SLC71A1: variants seen among roughly 807,000 people sequenced by gnomAD.
The protein encoded by SLC71A1 is hippocampus abundant gene transcript 1.
At chr1:100,048,633 T>A in the SLC71A1 span, among the ~76,000 whole-genome samples, 3 of 152,228 alleles carry the variant, frequency 2.0e-5, no homozygotes, top group African/African-American at 7.2e-5. Flanking sequence ...TATCTTCCTC[T>A]TTTCTTTATC....
chr1:100,077,687 G>A, the SLC71A1 span, among the ~76,000 whole-genome samples: 1 of 152,178 alleles, frequency 6.6e-6, no homozygotes, highest in Non-Finnish European at 1.5e-5. Context: ...AACCAGAAGT[G>A]AAAACAATCC....
chr1:100,056,164 C>T, the SLC71A1 span, among the ~76,000 whole-genome samples: 1 of 152,302 alleles, frequency 6.6e-6, no homozygotes, highest in South Asian at 2.1e-4. Flanking sequence ...ACCATCCTCT[C>T]TCCCACTACC....
the SLC71A1 span, chr1:100,080,719 G>C: frequency 6.9e-7 from 1 of 1,447,588 alleles, no homozygotes; most frequent in Non-Finnish European, 9.4e-7. Context: ...AAAGGCTACT[G>C]GTTTTTGGTC....
the SLC71A1 span, among the ~76,000 whole-genome samples, chr1:100,038,586 T>G: frequency 6.6e-6 from 1 of 152,158 alleles, no homozygotes; most frequent in South Asian, 2.1e-4. Context: ...CCCTGCGGCC[T>G]CGAACCCCAC....
chr1:100,061,866 G>A, the SLC71A1 span: 1 of 1,612,968 alleles, frequency 6.2e-7, no homozygotes, highest in South Asian at 1.1e-5. Flanking sequence ...TGTTTCTGGG[G>A]TTTTTGCAGT....
the SLC71A1 span, chr1:100,080,613 G>A: frequency 6.2e-7 from 1 of 1,613,994 alleles, no homozygotes; most frequent in Non-Finnish European, 8.5e-7. Flanking sequence ...CCAATAACAG[G>A]AACAGACTTG....
chr1:100,045,758 G>A, the SLC71A1 span, among the ~76,000 whole-genome samples: 3 of 150,408 alleles, frequency 2.0e-5, no homozygotes, highest in Admixed American at 1.3e-4. Flanking sequence ...TCGCCCAGGC[G>A]ACATACATAG....
chr1:100,080,597 G>A, the SLC71A1 span: 1 of 1,614,044 alleles, frequency 6.2e-7, no homozygotes, highest in Admixed American at 1.7e-5. Context: ...GGAACTTAAA[G>A]AACTGCCAAT....
chr1:100,066,519 A>G, the SLC71A1 span, among the ~76,000 whole-genome samples: 1 of 152,038 alleles, frequency 6.6e-6, no homozygotes, highest in Non-Finnish European at 1.5e-5. Context: ...TTTTTCTTTA[A>G]GCTCATCAGC....
At chr1:100,081,722 A>G in the SLC71A1 span, among the ~76,000 whole-genome samples, 5 of 152,192 alleles carry the variant, frequency 3.3e-5, no homozygotes, top group African/African-American at 1.2e-4. Context: ...CCCTTGGACT[A>G]ACAAATTAAT....
chr1:100,059,144 G>GTTTTT, the SLC71A1 span, among the ~76,000 whole-genome samples: 38 of 75,422 alleles, frequency 5.0e-4, 2 homozygotes, highest in African/African-American at 1.0e-3. Context: ...TCTTTTTCGT[G>GTTTTT]TTTTTTTTTT....
the SLC71A1 span, among the ~76,000 whole-genome samples, chr1:100,076,967 C>T: frequency 2.0e-5 from 3 of 152,190 alleles, no homozygotes; most frequent in African/African-American, 4.8e-5. Flanking sequence ...TTCTAACTCT[C>T]AGTCTGGATC....
chr1:100,057,978 C>T, the SLC71A1 span: 1 of 152,128 alleles, frequency 6.6e-6, no homozygotes, highest in Admixed American at 6.6e-5. Flanking sequence ...TGGGATTAAA[C>T]AGGAGTACAT....
the SLC71A1 span, among the ~76,000 whole-genome samples, chr1:100,049,530 T>C: frequency 6.6e-6 from 1 of 152,164 alleles, no homozygotes. Context: ...CTGAACTCGA[T>C]ATATGAGACC....
At chr1:100,064,333 T>C in the SLC71A1 span, among the ~76,000 whole-genome samples, 3 of 152,276 alleles carry the variant, frequency 2.0e-5, no homozygotes, top group South Asian at 2.1e-4. Flanking sequence ...GGTTTCACCA[T>C]ATTGGCCAGT....
chr1:100,043,131 TC>T, the SLC71A1 span: 1 of 984,438 alleles, frequency 1.0e-6, no homozygotes, highest in Non-Finnish European at 1.2e-6. Flanking sequence ...ACCAACATAA[TC>T]AGACCGTCTG....
chr1:100,052,888 A>G, the SLC71A1 span, among the ~76,000 whole-genome samples: 1 of 151,596 alleles, frequency 6.6e-6, no homozygotes, highest in Non-Finnish European at 1.5e-5. Flanking sequence ...GGTTCAAGCA[A>G]TTCTCCTGCC....
chr1:100,080,689 A>G, the SLC71A1 span: 30,453 of 1,595,586 alleles, frequency 0.019, 708 homozygotes, highest in East Asian at 0.11. Flanking sequence ...ATCAAATTGT[A>G]TGGTTCATTT....
chr1:100,074,631 C>A, the SLC71A1 span, among the ~76,000 whole-genome samples: 13 of 152,038 alleles, frequency 8.6e-5, no homozygotes, highest in African/African-American at 3.1e-4. Context: ...GAGATACCAG[C>A]ACTTTGGGAG....
Sources: allele counts gnomAD v4.1 joint callset (sites outside exome capture counted in the v4.1 genomes callset), GRCh38; gene constraint gnomAD v4.1.1; transcripts MANE v1.5; gene names NCBI Gene and HGNC (gene_info 2026-07-23, HGNC 2026-07-21).